ATG12: variants seen among roughly 807,000 people sequenced by gnomAD.
ATG12 encodes ubiquitin-like protein ATG12.
Under a neutral mutation model 17.6 loss-of-function variants are expected in ATG12, and 19 were observed. That is an observed-to-expected ratio of 1.08 (90% CI 0.75 to 1.58). The LOEUF is 1.58. ATG12 is among the 40% of genes most tolerant of loss of function. The pLI is 0.00. For missense variants in ATG12, 214 were observed against 162.0 expected, an observed-to-expected ratio of 1.32 and a Z score of -1.74; for synonymous variants, 75 against 62.4, an observed-to-expected ratio of 1.20 and a Z score of -0.95.
chr5:115,836,076 T>C (rs1279042081), intron 2 of ATG12, among the ~76,000 whole-genome samples: 1 of 152,226 alleles, frequency 6.6e-6, no homozygotes, highest in African/African-American at 2.4e-5. Context: ...GTATCAGTTT[T>C]AGTTTAATCT....
chr5:115,840,296 CTTTTT>C (rs544937852), intron 1 of ATG12, among the ~76,000 whole-genome samples: 3 of 135,032 alleles, frequency 2.2e-5, no homozygotes, highest in African/African-American at 5.5e-5. Flanking sequence ...AGACCAATGT[CTTTTT>C]TTTTTTTTTT....
At chr5:115,840,967 G>A (rs945442162) in intron 1 of ATG12, 25 of 1,058,498 alleles carry the variant, frequency 2.4e-5, no homozygotes, top group Non-Finnish European at 2.8e-5. Context: ...AGCGAGTTAA[G>A]TTGGAAGGCA....
At position 115,830,486 on chromosome 5, in the gene ATG12, T is replaced by C. The variant is rs1294720212; in HGVS notation, c.*1318A>G. On this transcript the variant is annotated 3_prime_UTR_variant, in exon 4 of 4. Coordinates refer to ENST00000509910, the MANE Select transcript of ATG12 (RefSeq NM_004707.4). ...TGATATTACTTTGAATTCTACTACATACCATCTTAGATCCTGTTTTGAAAT... is the reference window on the plus strand; with the variant it reads ...TGATATTACTTTGAATTCTACTACACACCATCTTAGATCCTGTTTTGAAAT... The C allele has an allele frequency of 6.6e-6, 1 of 152,302 alleles. No homozygotes were observed. The highest frequency in any genetic ancestry group is 1.9e-4 in the East Asian group (1 of 5,182). 9.4% of individuals were successfully genotyped at this position (152,302 alleles called of 1,614,324 possible). A position where few individuals can be genotyped will look rare whatever the true frequency, so the allele number is the denominator to read the frequency against.
intron 3 of ATG12, 146 bp downstream of exon 3, chr5:115,832,456 A>T: frequency 1.0e-6 from 1 of 979,674 alleles, no homozygotes; most frequent in Non-Finnish European, 1.4e-6. Context: ...TACCCCAGAA[A>T]ATTAAGAATG....
intron 2 of ATG12, chr5:115,833,723 T>C (rs750527657): frequency 1.8e-4 from 28 of 152,214 alleles, no homozygotes; most frequent in South Asian, 4.1e-4. Context: ...TGGTTATGGC[T>C]GAGTAGAGTT....
intron 3 of ATG12, 43 bp from the exon 4 acceptor site, chr5:115,831,906 A>T: frequency 6.4e-7 from 1 of 1,553,120 alleles, no homozygotes. Flanking sequence ...ATCTTTTATT[A>T]TTCTTAGATG....
intron 2 of ATG12, among the ~76,000 whole-genome samples, chr5:115,837,320 A>AAAGT (rs1248495334): frequency 6.6e-6 from 1 of 152,114 alleles, no homozygotes; most frequent in Non-Finnish European, 1.5e-5. Flanking sequence ...GTCTCTACTA[A>AAAGT]AAACACAAAA....
At position 115,828,859 on chromosome 5, in the gene ATG12, T is replaced by C. The variant is rs1371199636; in HGVS notation, c.*2945A>G. 1 of 152,222 alleles carries C rather than the reference T, an allele frequency of 6.6e-6. No homozygotes were observed. Among genetic ancestry groups the C allele is most frequent in the Non-Finnish European group, 1.5e-5 (1 of 68,026 alleles). The allele number at this position is 152,222 out of a possible 1,614,324, so 9.4% of individuals were successfully genotyped here. On this transcript the variant is annotated 3_prime_UTR_variant, in exon 4 of 4. Coordinates refer to ENST00000509910, the MANE Select transcript of ATG12 (RefSeq NM_004707.4). Reference sequence around the variant, plus strand: ...TATGCAATAAGTGATTTAATAGTGGTAGTTTGCTCTAAGTGTTTTTATGAG... The same window carrying C: ...TATGCAATAAGTGATTTAATAGTGGCAGTTTGCTCTAAGTGTTTTTATGAG...
In ATG12 at chr5:115,831,583, C is replaced by G. The variant is rs1312993579; in HGVS notation, c.*221G>C. The G allele has an allele frequency of 6.8e-6, 4 of 591,636 alleles. No individual in the cohort carries two copies. Among genetic ancestry groups the G allele is most frequent in the Non-Finnish European group, 1.2e-5 (4 of 335,398 alleles). The allele number at this position is 591,636 out of a possible 1,614,324, so 36.6% of individuals were successfully genotyped here. The stretch of plus-strand genomic sequence containing the variant: ...GTAACAAGTAGGAGCAATGGGTGTA[C>G]TATCATGACCATCTTTTATGATGAC... On this transcript the variant is annotated 3_prime_UTR_variant, in exon 4 of 4. Coordinates refer to ENST00000509910, the MANE Select transcript of ATG12 (RefSeq NM_004707.4).
rs777014633 is a variant in ATG12, at chr5:115,837,636, C to A, written c.292G>T (p.Glu98Ter). 6.2e-7 allele frequency: 1 copy of A among 1,611,286 alleles called. No individual in the cohort carries two copies. Among genetic ancestry groups the A allele is most frequent in the East Asian group, 2.2e-5 (1 of 44,854 alleles). ...IKKFLKLVAS[E>*]QLFIYVNQSF... ...CACCATTGGTTTCATACCAACTGTT[C>A]TGAGGCCACAAGTTTAAGAAACTTT... Residue 98 changes from glutamate (E) to a stop codon, truncating the protein, a stop_gained, in exon 2 of 4, where the codon GAA (glutamate) becomes TAA (stop). Coordinates refer to ENST00000509910, the MANE Select transcript of ATG12 (RefSeq NM_004707.4). LOFTEE classifies it high-confidence loss of function.
chr5:115,836,709 C>T (rs1353616974), intron 2 of ATG12, among the ~76,000 whole-genome samples: 1 of 152,178 alleles, frequency 6.6e-6, no homozygotes, highest in African/African-American at 2.4e-5. Flanking sequence ...TACCTATCCA[C>T]TCATGCTATC....
chr5:115,833,799 A>T (rs1760984551), intron 2 of ATG12: 1 of 152,216 alleles, frequency 6.6e-6, no homozygotes, highest in Non-Finnish European at 1.5e-5. Flanking sequence ...TTTTTGTAAT[A>T]CAGATATAAT....
At position 115,828,679 on chromosome 5, in the gene ATG12, CT is replaced by C. The variant is rs775244820; in HGVS notation, c.*3124del. 6.6e-6 allele frequency: 1 copy of C among 152,080 alleles called. No homozygotes were observed. The highest frequency in any genetic ancestry group is 1.5e-5 in the Non-Finnish European group (1 of 67,982). 9.4% of individuals were successfully genotyped at this position (152,080 alleles called of 1,614,324 possible). A position where few individuals can be genotyped will look rare whatever the true frequency, so the allele number is the denominator to read the frequency against. On this transcript the variant is annotated 3_prime_UTR_variant, in exon 4 of 4. Coordinates refer to ENST00000509910, the MANE Select transcript of ATG12 (RefSeq NM_004707.4). ...AAAAACTTAAACTATACAAAATTTCCTTTGTTTTTAGCTGTCATACTTTGCT... is the reference window on the plus strand; with the variant it reads ...AAAAACTTAAACTATACAAAATTTCCTTGTTTTTAGCTGTCATACTTTGCT...
Position 115,828,719 on chromosome 5 carries a change from T to C in ATG12, c.*3085A>G, listed in dbSNP as rs1760738469. 1.3e-5 allele frequency: 2 copies of C among 152,218 alleles called. No homozygotes were observed. The highest frequency in any genetic ancestry group is 4.1e-4 in the South Asian group (2 of 4,838). 9.4% of individuals were successfully genotyped at this position (152,218 alleles called of 1,614,324 possible). A position where few individuals can be genotyped will look rare whatever the true frequency, so the allele number is the denominator to read the frequency against. ...TCATACTTTGCTAATCACAATTTCATTCACTCGATGTGTTACATTACTAAT... is the reference window on the plus strand; with the variant it reads ...TCATACTTTGCTAATCACAATTTCACTCACTCGATGTGTTACATTACTAAT... On this transcript the variant is annotated 3_prime_UTR_variant, in exon 4 of 4. Coordinates refer to ENST00000509910, the MANE Select transcript of ATG12 (RefSeq NM_004707.4).
In ATG12 at chr5:115,829,242, A is replaced by G. The variant is rs906159955; in HGVS notation, c.*2562T>C. On this transcript the variant is annotated 3_prime_UTR_variant, in exon 4 of 4. Coordinates refer to ENST00000509910, the MANE Select transcript of ATG12 (RefSeq NM_004707.4). ...AAAATGAAGCAGAAACTGCATGAAA[A>G]GAGATTTTTATTTTCACACTCCTTC... The G allele has an allele frequency of 4.6e-5, 7 of 152,340 alleles. No individual in the cohort carries two copies. In the East Asian group the frequency reaches 1.2e-3, roughly 25 times the overall value. The allele number at this position is 152,340 out of a possible 1,614,324, so 9.4% of individuals were successfully genotyped here. A position where few individuals can be genotyped will look rare whatever the true frequency, so the allele number is the denominator to read the frequency against.
At position 115,831,813 on chromosome 5, in the gene ATG12, C is replaced by A. The variant is rs768781634; in HGVS notation, c.414G>T (p.Ala138=). ...KLVLHYCKSQ[A]WG is the part of the protein sequence containing the mutation. ...TGATTTTCTTTGTGGTTCATCCCCACGCCTGAGACTTGCAGTAATGTAAAA... is the reference window on the plus strand; with the variant it reads ...TGATTTTCTTTGTGGTTCATCCCCAAGCCTGAGACTTGCAGTAATGTAAAA... The change falls in exon 4 of 4, where the codon GCG becomes GCT. Residue 138 remains alanine, a synonymous_variant. Transcript: ENST00000509910. The A allele has an allele frequency of 1.2e-6, 2 of 1,612,290 alleles. No homozygotes were observed. Among genetic ancestry groups the A allele is most frequent in the Non-Finnish European group, 8.5e-7 (1 of 1,179,406 alleles).
In ATG12 at chr5:115,836,754, C is replaced by A. The variant is rs56147874; in HGVS notation, c.300+874G>T. Among the ~76,000 whole-genome samples the A allele has an allele frequency of 7.3e-3, 1,110 of 152,198 alleles. 4 individuals carry two copies. The highest frequency in any genetic ancestry group is 0.011 in the Non-Finnish European group (754 of 68,010). On this transcript the variant is annotated intron_variant, in intron 2 of 3. Transcript: ENST00000509910. ...ACTATCCAAGATTGTGATCTATTTGCAGATAAAGGTGTCTCATACATATAA... is the reference window on the plus strand; with the variant it reads ...ACTATCCAAGATTGTGATCTATTTGAAGATAAAGGTGTCTCATACATATAA...
chr5:115,832,893 T>C, intron 2 of ATG12: 1 of 379,142 alleles, frequency 2.6e-6, no homozygotes, highest in Non-Finnish European at 4.8e-6. Flanking sequence ...CAGTGGTTCC[T>C]AACTTTGTAT....
chr5:115,837,138 G>A (rs531344738), intron 2 of ATG12, among the ~76,000 whole-genome samples: 1 of 152,224 alleles, frequency 6.6e-6, no homozygotes, highest in African/African-American at 2.4e-5. Flanking sequence ...AAACAATACA[G>A]GAGGCAAAAA....
Sources: allele counts gnomAD v4.1 joint callset (sites outside exome capture counted in the v4.1 genomes callset), GRCh38; gene constraint gnomAD v4.1.1; transcripts MANE v1.5; gene names NCBI Gene and HGNC (gene_info 2026-07-23, HGNC 2026-07-21).